Variants in PLCXD3 observed in about 807,000 individuals in gnomAD.
The protein encoded by PLCXD3 is phosphatidylinositol specific phospholipase C X domain containing 3, also known as PI-PLC X domain-containing protein 3.
Under a neutral mutation model 25.5 loss-of-function variants are expected in PLCXD3, and 19 were observed. The observed-to-expected ratio is 0.75, with a 90% confidence interval of 0.52 to 1.09. The LOEUF (loss-of-function observed/expected upper bound fraction) is 1.09, where lower values mean the gene tolerates loss of function less well. Ranked by LOEUF, PLCXD3 falls within the 50% of genes least tolerant of loss-of-function variation. The probability of loss-of-function intolerance (pLI) is 0.00; values close to 1 mark genes in which losing one functional copy is unlikely to be tolerated. For missense variants in PLCXD3, 411 were observed against 388.1 expected (o/e 1.06, Z -0.50); for synonymous variants, 174 against 137.6 (o/e 1.26, Z -1.85).
intron 2 of PLCXD3, among the ~76,000 whole-genome samples, chr5:41,358,380 C>A (rs1056941746): frequency 6.6e-6 from 1 of 152,112 alleles, no homozygotes; most frequent in African/African-American, 2.4e-5. Flanking sequence ...ATCGTAGTTT[C>A]TGAGATTTTA....
Position 41,313,506 on chromosome 5 carries a change from C to G in PLCXD3, c.*111G>C. 1 of 1,334,700 alleles carries G rather than the reference C, an allele frequency of 7.5e-7. No individual in the cohort carries two copies. Among genetic ancestry groups the G allele is most frequent in the Non-Finnish European group, 1.1e-6 (1 of 944,230 alleles). 82.7% of individuals were successfully genotyped at this position (1,334,700 alleles called of 1,614,324 possible). On this transcript the variant is annotated 3_prime_UTR_variant, in exon 3 of 3. Coordinates refer to ENST00000377801, the MANE Select transcript of PLCXD3 (RefSeq NM_001005473.3). ...CCCCTTTTCCCACCCACTACCAGCC[C>G]TATTCCCTTCAGAGACTCAGTGGAA...
At chr5:41,365,820 A>G (rs1473348738) in intron 2 of PLCXD3, among the ~76,000 whole-genome samples, 2 of 152,094 alleles carry the variant, frequency 1.3e-5, no homozygotes, top group Admixed American at 1.3e-4. Context: ...TTCCTAAGTT[A>G]CATCTACTCA....
At chr5:41,419,243 T>A (rs1244200846) in intron 1 of PLCXD3, among the ~76,000 whole-genome samples, 1 of 152,122 alleles carries the variant, frequency 6.6e-6, no homozygotes, top group Non-Finnish European at 1.5e-5. Flanking sequence ...CGGCTCAAGA[T>A]TTTGTAGCCA....
intron 1 of PLCXD3, among the ~76,000 whole-genome samples, chr5:41,477,743 C>G (rs1241093927): frequency 6.6e-6 from 1 of 152,110 alleles, no homozygotes; most frequent in Non-Finnish European, 1.5e-5. Context: ...TATCTCAGTG[C>G]AATTTCCTAC....
chr5:41,351,823 T>A (rs899089926), intron 2 of PLCXD3, among the ~76,000 whole-genome samples: 1 of 152,218 alleles, frequency 6.6e-6, no homozygotes, highest in Non-Finnish European at 1.5e-5. Context: ...CAGATCTCAG[T>A]TTAAATGCTA....
In PLCXD3 at chr5:41,309,136, C is replaced by T. The variant is rs1580288573; in HGVS notation, c.*4481G>A. ...TATACTTACACACACATACCACATA[C>T]AAGCACATACTTTTGACTCATACAA... On this transcript the variant is annotated 3_prime_UTR_variant, in exon 3 of 3. Transcript: ENST00000377801. 1 of 152,492 alleles carries T rather than the reference C, an allele frequency of 6.6e-6. No individual in the cohort carries two copies. Among genetic ancestry groups the T allele is most frequent in the African/African-American group, 2.4e-5 (1 of 41,412 alleles). The allele number at this position is 152,492 out of a possible 1,614,324, so 9.4% of individuals were successfully genotyped here. A position where few individuals can be genotyped will look rare whatever the true frequency, so the allele number is the denominator to read the frequency against.
In PLCXD3 at chr5:41,402,558, T is replaced by G. The variant is rs73077958; in HGVS notation, c.104-20024A>C. ...TCTACTGTTATTGCACAAAGTACTA[T>G]GTAAATGTTAATTAGGTTAACCTGG... On this transcript the variant is annotated intron_variant, in intron 1 of 2. Coordinates refer to ENST00000377801, the MANE Select transcript of PLCXD3 (RefSeq NM_001005473.3). Among the ~76,000 whole-genome samples the G allele has an allele frequency of 3.7e-4, 56 of 151,930 alleles. No individual in the cohort carries two copies. The East Asian group carries it at 7.1e-3, about 19-fold the overall frequency.
intron 1 of PLCXD3, 122 bp downstream of exon 1, chr5:41,510,302 C>T: frequency 1.1e-6 from 1 of 890,594 alleles, no homozygotes; most frequent in Non-Finnish European, 1.7e-6. Flanking sequence ...TGAGACCCAC[C>T]CTGGAAGACG....
intron 1 of PLCXD3, among the ~76,000 whole-genome samples, chr5:41,496,345 T>C (rs1211413622): frequency 1.3e-5 from 2 of 151,840 alleles, no homozygotes; most frequent in East Asian, 1.9e-4. Context: ...AGGAAAGAAA[T>C]AGGCTTTCAG....
chr5:41,390,804 G>C (rs893715927), intron 1 of PLCXD3, among the ~76,000 whole-genome samples: 1 of 152,202 alleles, frequency 6.6e-6, no homozygotes, highest in South Asian at 2.1e-4. Context: ...ATTGCTGAGA[G>C]AGGCTCTGAA....
intron 1 of PLCXD3, among the ~76,000 whole-genome samples, chr5:41,443,915 T>C (rs1257614954): frequency 6.6e-6 from 1 of 152,230 alleles, no homozygotes; most frequent in African/African-American, 2.4e-5. Flanking sequence ...TCCTGCTCTA[T>C]GTAGATACTT....
chr5:41,423,223 G>A (rs944002844), intron 1 of PLCXD3, among the ~76,000 whole-genome samples: 7 of 151,908 alleles, frequency 4.6e-5, no homozygotes, highest in South Asian at 2.1e-4. Context: ...TATGAAAAAT[G>A]GGTTATATGT....
intron 1 of PLCXD3, among the ~76,000 whole-genome samples, chr5:41,461,464 T>C (rs1487868683): frequency 1.3e-5 from 2 of 151,936 alleles, no homozygotes; most frequent in African/African-American, 4.8e-5. Context: ...CACTTGGAAT[T>C]TTATTTTTCT....
chr5:41,507,772 G>A (rs183865605), intron 1 of PLCXD3, among the ~76,000 whole-genome samples: 1 of 152,174 alleles, frequency 6.6e-6, no homozygotes, highest in Non-Finnish European at 1.5e-5. Context: ...CACCAGGAGT[G>A]GTTTTAAATG....
At chr5:41,321,771 C>G in intron 2 of PLCXD3, among the ~76,000 whole-genome samples, 1 of 152,210 alleles carries the variant, frequency 6.6e-6, no homozygotes, top group Non-Finnish European at 1.5e-5. Context: ...CAAATTCACA[C>G]ATTTACGGTC....
chr5:41,408,017 T>C (rs1746402784), intron 1 of PLCXD3, among the ~76,000 whole-genome samples: 1 of 152,198 alleles, frequency 6.6e-6, no homozygotes, highest in Non-Finnish European at 1.5e-5. Context: ...TCATCACAAT[T>C]TTAATCAACT....
chr5:41,432,995 AT>A (rs779738046), intron 1 of PLCXD3, among the ~76,000 whole-genome samples: 1 of 152,132 alleles, frequency 6.6e-6, no homozygotes, highest in Non-Finnish European at 1.5e-5. Context: ...CTTGACCTTA[AT>A]TTCAAGGTCC....
chr5:41,438,617 C>G (rs932837430), intron 1 of PLCXD3, among the ~76,000 whole-genome samples: 2 of 152,066 alleles, frequency 1.3e-5, no homozygotes, highest in African/African-American at 2.4e-5. Flanking sequence ...TTCCTTTTTC[C>G]CTTTTCACCC....
intron 1 of PLCXD3, among the ~76,000 whole-genome samples, chr5:41,478,037 T>C (rs1313588107): frequency 6.6e-6 from 1 of 152,204 alleles, no homozygotes; most frequent in African/African-American, 2.4e-5. Context: ...AGAAAATGCC[T>C]GACAAAGTAT....
Sources: allele counts gnomAD v4.1 joint callset (sites outside exome capture counted in the v4.1 genomes callset), GRCh38; gene constraint gnomAD v4.1.1; transcripts MANE v1.5; gene names NCBI Gene and HGNC (gene_info 2026-07-23, HGNC 2026-07-21).